The following COG2 variants were observed in gnomAD, a reference collection of about 807,000 sequenced individuals.
COG2 encodes the protein conserved oligomeric Golgi complex subunit 2.
COG2 carries 52 observed loss-of-function variants against 90.6 expected under a neutral mutation model. That is an observed-to-expected ratio of 0.57 (90% CI 0.46 to 0.72). The LOEUF (loss-of-function observed/expected upper bound fraction) is 0.72. Ranked by LOEUF, COG2 falls within the 30% of genes least tolerant of loss-of-function variation. The probability of loss-of-function intolerance (pLI) is 0.00; values close to 1 mark genes in which losing one functional copy is unlikely to be tolerated. For synonymous variants in COG2, 337 were observed against 320.4 expected, an observed-to-expected ratio of 1.05 and a Z score of -0.55; for missense variants, 829 against 891.2, an observed-to-expected ratio of 0.93 and a Z score of 0.89.
chr1:230,673,533 CTT>C (rs1365304070), intron 8 of COG2, among the ~76,000 whole-genome samples: 7 of 152,196 alleles, frequency 4.6e-5, no homozygotes, highest in Non-Finnish European at 7.3e-5. Flanking sequence ...TACATTCTCT[CTT>C]TGGGGATTTG....
chr1:230,645,742 A>T (rs746294311), intron 1 of COG2, among the ~76,000 whole-genome samples: 22 of 152,208 alleles, frequency 1.4e-4, no homozygotes, highest in Non-Finnish European at 3.1e-4. Context: ...GTTTTCTTGC[A>T]ACTAGACAGT....
At position 230,675,011 on chromosome 1, in the gene COG2, A is replaced by G. The variant is rs778557440; in HGVS notation, c.913A>G (p.Thr305Ala). The change falls in exon 9 of 18, where the codon ACT becomes GCT. Residue 305 changes from threonine (T) to alanine (A), a missense_variant. Transcript: ENST00000366669. ...GGAISSEKGN[T>A]VPGYDFLVNS... is the part of the protein sequence containing the mutation. ...CTTATTTTACAGTGAAAAAGGCAAT[A>G]CTGTTCCTGGATATGACTTTTTGGT... The G allele has an allele frequency of 4.3e-6, 7 of 1,609,924 alleles. No individual in the cohort carries two copies. Among genetic ancestry groups the G allele is most frequent in the Middle Eastern group, 1.6e-4 (1 of 6,080 alleles).
chr1:230,666,769 T>C (rs1662331596), intron 5 of COG2, among the ~76,000 whole-genome samples: 1 of 152,200 alleles, frequency 6.6e-6, no homozygotes, highest in Non-Finnish European at 1.5e-5. Flanking sequence ...CATCCAAATC[T>C]AGCTCAAAAC....
At position 230,665,580 on chromosome 1, in the gene COG2, T is replaced by G. The variant is rs1425130075; in HGVS notation, c.485+993T>G. ...AGTATGCTGTGTTTCTCTCATTTTATAGATGAGGAGATGAGGCATCCGAAA... is the reference window on the plus strand; with the variant it reads ...AGTATGCTGTGTTTCTCTCATTTTAGAGATGAGGAGATGAGGCATCCGAAA... On this transcript the variant is annotated intron_variant, in intron 5 of 17. Coordinates refer to ENST00000366669, the MANE Select transcript of COG2 (RefSeq NM_007357.3). 2.6e-5 allele frequency among the ~76,000 whole-genome samples: 4 copies of G among 152,232 alleles called. No individual in the cohort carries two copies. In the East Asian group the frequency reaches 7.7e-4, roughly 29 times the overall value.
chr1:230,642,928 A>C, intron 1 of COG2: 1 of 508,600 alleles, frequency 2.0e-6, no homozygotes, highest in Non-Finnish European at 3.5e-6. Flanking sequence ...AGTGGTTTTG[A>C]GCTGCATGTC....
rs1332229222 is a variant in COG2, at chr1:230,687,147, C to T, written c.1578+15C>T. The T allele has an allele frequency of 1.3e-6, 2 of 1,597,768 alleles. No individual in the cohort carries two copies. Among genetic ancestry groups the T allele is most frequent in the East Asian group, 4.5e-5 (2 of 44,580 alleles). On this transcript the variant is annotated intron_variant, in intron 13 of 17. Coordinates refer to ENST00000366669, the MANE Select transcript of COG2 (RefSeq NM_007357.3). ...TTCAGGAGCAGGTAAGCCTGTGTCCCAGAATAATTCCAGGTGCTTGGTTTA... is the reference window on the plus strand; with the variant it reads ...TTCAGGAGCAGGTAAGCCTGTGTCCTAGAATAATTCCAGGTGCTTGGTTTA...
intron 5 of COG2, among the ~76,000 whole-genome samples, chr1:230,666,663 C>T (rs551291880): frequency 1.2e-4 from 18 of 152,264 alleles, no homozygotes; most frequent in East Asian, 3.9e-4. Context: ...TGCTGACTTA[C>T]GCTTCCTTAA....
chr1:230,686,525 T>C (rs865996480), intron 12 of COG2, among the ~76,000 whole-genome samples: 3 of 152,242 alleles, frequency 2.0e-5, no homozygotes, highest in Non-Finnish European at 4.4e-5. Flanking sequence ...TTGTTTTTTG[T>C]ATTTGAAGGT....
chr1:230,680,014 T>C (rs1024917205), intron 10 of COG2: 8 of 152,192 alleles, frequency 5.3e-5, no homozygotes, highest in African/African-American at 1.9e-4. Context: ...AAGGTGCCCT[T>C]TCACTTACAA....
chr1:230,668,818 T>C (rs774029343), intron 6 of COG2, 34 bp downstream of exon 6: 17 of 1,290,288 alleles, frequency 1.3e-5, no homozygotes, highest in Non-Finnish European at 1.8e-5. Flanking sequence ...CAGTTTGGTG[T>C]TTAGGGACTT....
At chr1:230,691,771 CT>C in intron 17 of COG2, 1 of 529,264 alleles carries the variant, frequency 1.9e-6, no homozygotes. Context: ...GTTTTGAAGT[CT>C]GGTGGCGTGC....
At chr1:230,684,015 C>A (rs1028212145) in intron 11 of COG2, among the ~76,000 whole-genome samples, 4 of 152,200 alleles carry the variant, frequency 2.6e-5, no homozygotes, top group Admixed American at 2.6e-4. Context: ...TGGTCTCGAA[C>A]TCTGACCTCA....
At chr1:230,685,858 G>C (rs868596453) in intron 12 of COG2, among the ~76,000 whole-genome samples, 1 of 152,150 alleles carries the variant, frequency 6.6e-6, no homozygotes, top group Non-Finnish European at 1.5e-5. Flanking sequence ...CCCTTTCTCT[G>C]GGGACAGCGT....
intron 10 of COG2, chr1:230,680,025 T>C (rs1024889863): frequency 1.3e-5 from 2 of 152,190 alleles, no homozygotes; most frequent in African/African-American, 4.8e-5. Flanking sequence ...TCACTTACAA[T>C]ACTGTGTTTT....
intron 8 of COG2, among the ~76,000 whole-genome samples, chr1:230,673,444 A>T (rs1662505562): frequency 2.0e-5 from 3 of 152,222 alleles, no homozygotes. Context: ...AACTGGCAAC[A>T]CCAACAACAT....
intron 5 of COG2, 80 bp from the exon 6 acceptor site, chr1:230,668,596 C>G (rs1024229285): frequency 1.2e-6 from 1 of 815,692 alleles, no homozygotes; most frequent in East Asian, 2.7e-5. Flanking sequence ...ATGAAAGTCT[C>G]TCACTGCCAG....
intron 15 of COG2, among the ~76,000 whole-genome samples, chr1:230,689,003 G>A (rs78182322): frequency 0.02 from 3,073 of 151,862 alleles, 108 homozygotes; most frequent in African/African-American, 0.071. Flanking sequence ...ACTGTGGATC[G>A]AAAATATTTA....
chr1:230,645,347 A>G (rs1350203266), intron 1 of COG2, among the ~76,000 whole-genome samples: 1 of 152,168 alleles, frequency 6.6e-6, no homozygotes, highest in Non-Finnish European at 1.5e-5. Flanking sequence ...TGGTAGGCTA[A>G]CAGGGATAAC....
intron 17 of COG2, among the ~76,000 whole-genome samples, chr1:230,692,344 T>C (rs1286369438): frequency 1.4e-5 from 2 of 146,286 alleles, no homozygotes; most frequent in Admixed American, 1.3e-4. Context: ...ACAATGTTAA[T>C]AGAAAAAGAA....
Sources: gnomAD v4.1 joint callset for allele counts (sites outside exome capture counted in the v4.1 genomes callset) on GRCh38, gnomAD v4.1.1 for gene constraint, MANE v1.5 for transcripts, NCBI Gene and HGNC (gene_info 2026-07-23, HGNC 2026-07-21) for gene names.